Variants in SEMA5A observed in about 807,000 individuals in gnomAD.
The protein encoded by SEMA5A is semaphorin 5A, also known as semaphorin-5A.
Under a neutral mutation model 135.5 loss-of-function variants are expected in SEMA5A, and 55 were observed. The observed-to-expected ratio is 0.41, with a 90% CI of 0.33 to 0.51. The LOEUF is 0.51. Ranked by LOEUF, SEMA5A falls within the 20% of genes least tolerant of loss-of-function variation. The pLI, the probability that SEMA5A is intolerant of heterozygous loss-of-function variation, is 0.37. For missense variants in SEMA5A, 1,290 were observed against 1,419.9 expected (o/e 0.91, Z 1.47); for synonymous variants, 580 against 546.5 (o/e 1.06, Z -0.85).
intron 1 of SEMA5A, among the ~76,000 whole-genome samples, chr5:9,532,589 G>A (rs780092643): frequency 6.6e-6 from 1 of 151,962 alleles, no homozygotes; most frequent in Non-Finnish European, 1.5e-5. Context: ...TGCCCGACCT[G>A]CATGTGTATT....
chr5:9,127,617 G>T (rs9313271), intron 13 of SEMA5A, among the ~76,000 whole-genome samples: 17 of 152,246 alleles, frequency 1.1e-4, no homozygotes, highest in Non-Finnish European at 2.2e-4. Context: ...GTGTTTGGGG[G>T]TTTATTTGCA....
In SEMA5A at chr5:9,309,269, C is replaced by A. The variant is rs1752013407; in HGVS notation, c.270+9103G>T. 2.0e-5 allele frequency among the ~76,000 whole-genome samples: 3 copies of A among 151,848 alleles called. No individual in the cohort carries two copies. The South Asian group carries it at 6.2e-4, about 32-fold the overall frequency. Reference sequence around the variant, plus strand: ...CATGAAGAAATCTGTTGGTACGTAGCAAAAAAATTAGAATGGTATGGCGGG... The same window carrying A: ...CATGAAGAAATCTGTTGGTACGTAGAAAAAAAATTAGAATGGTATGGCGGG... On this transcript the variant is annotated intron_variant, in intron 5 of 22. Transcript: ENST00000382496.
rs569847155 is a variant in SEMA5A, at chr5:9,377,106, C to T, written c.124+2717G>A. Among the ~76,000 whole-genome samples, 5 of 130,244 alleles carry T rather than the reference C, an allele frequency of 3.8e-5. No individual in the cohort carries two copies. In the East Asian group the frequency reaches 6.4e-4, roughly 17 times the overall value. 85.4% of individuals were successfully genotyped at this position (130,244 alleles called of 152,430 possible). On this transcript the variant is annotated intron_variant, in intron 3 of 22. Coordinates refer to ENST00000382496, the MANE Select transcript of SEMA5A (RefSeq NM_003966.3). Reference sequence around the variant, plus strand: ...CACATAGTGGAAGCTATGTAGCTACCGAAAAAAAAAAAAAAAAGAATGACA... The same window carrying T: ...CACATAGTGGAAGCTATGTAGCTACTGAAAAAAAAAAAAAAAAGAATGACA...
chr5:9,502,400 G>A (rs1735644452), intron 1 of SEMA5A, among the ~76,000 whole-genome samples: 2 of 152,176 alleles, frequency 1.3e-5, no homozygotes, highest in South Asian at 4.1e-4. Context: ...GGGTGAGAAT[G>A]CCAGGCTGAG....
At chr5:9,445,817 G>C (rs1237573998) in intron 1 of SEMA5A, among the ~76,000 whole-genome samples, 1 of 152,162 alleles carries the variant, frequency 6.6e-6, no homozygotes, top group East Asian at 1.9e-4. Context: ...TCACACCTGG[G>C]TCATTTAATC....
intron 1 of SEMA5A, among the ~76,000 whole-genome samples, chr5:9,475,176 C>A (rs1759624674): frequency 6.6e-6 from 1 of 152,224 alleles, no homozygotes; most frequent in Admixed American, 6.5e-5. Context: ...AGGTGATCTG[C>A]CCGCCTTGGC....
intron 1 of SEMA5A, among the ~76,000 whole-genome samples, chr5:9,512,874 C>A (rs1164407121): frequency 6.6e-6 from 1 of 151,938 alleles, no homozygotes; most frequent in East Asian, 1.9e-4. Flanking sequence ...AAATACGCTC[C>A]CCTGCATGTT....
In SEMA5A at chr5:9,140,250, T is replaced by C. The variant is rs192631659; in HGVS notation, c.1482-3629A>G. On this transcript the variant is annotated intron_variant, in intron 12 of 22. Transcript: ENST00000382496. ...CATTGAATAAAACTTGAACCTGTAT[T>C]TTTATTGTAGAAAACACATAAAAAT... Among the ~76,000 whole-genome samples the C allele has an allele frequency of 1.8e-3, 271 of 152,334 alleles. 3 individuals are homozygous for C. The highest frequency in any genetic ancestry group is 2.5e-4 in the Non-Finnish European group (17 of 68,030).
intron 1 of SEMA5A, among the ~76,000 whole-genome samples, chr5:9,492,573 C>G (rs1392494315): frequency 1.3e-5 from 2 of 152,196 alleles, no homozygotes; most frequent in East Asian, 3.9e-4. Context: ...GAGACCCAAG[C>G]TCCTCATTAT....
At chr5:9,313,038 C>T (rs1182143257) in intron 5 of SEMA5A, among the ~76,000 whole-genome samples, 2 of 152,126 alleles carry the variant, frequency 1.3e-5, no homozygotes, top group East Asian at 3.9e-4. Flanking sequence ...AGGAAGTGTG[C>T]TGGCTGCTGG....
chr5:9,545,047 C>T lies in SEMA5A; in HGVS notation c.-175+537G>A, dbSNP rs1738306524. 6.6e-6 allele frequency among the ~76,000 whole-genome samples: 1 copy of T among 152,176 alleles called. No homozygotes were observed. The highest frequency in any genetic ancestry group is 2.4e-5 in the African/African-American group (1 of 41,460). On this transcript the variant is annotated intron_variant, in intron 1 of 22. Transcript: ENST00000382496. This position sits in a 1 kb window ranked among gnomAD's most constrained non-coding sequence, Gnocchi z 4.5. ...CTGCATCCCCCGCCTTAGTGTCTTT[C>T]ATTAACCAAGGCGCTTGGCGGAGTT...
intron 2 of SEMA5A, among the ~76,000 whole-genome samples, chr5:9,381,879 A>T (rs1755625830): frequency 6.6e-6 from 1 of 151,588 alleles, no homozygotes. Flanking sequence ...AAGGATAGTG[A>T]TGCCATTCAT....
At position 9,243,897 on chromosome 5, in the gene SEMA5A, G is replaced by A. The variant is rs149525452; in HGVS notation, c.271-6007C>T. Among the ~76,000 whole-genome samples, 458 of 152,154 alleles carry A rather than the reference G, an allele frequency of 3.0e-3. 7 individuals are homozygous for A. The highest frequency in any genetic ancestry group is 0.01 in the African/African-American group (433 of 41,542). On this transcript the variant is annotated intron_variant, in intron 5 of 22. Transcript: ENST00000382496. Reference sequence around the variant, plus strand: ...TTACAGTTTCTTTGTTTTCCACCCCGTAATTTAGAAAAATACATATCTGAA... The same window carrying A: ...TTACAGTTTCTTTGTTTTCCACCCCATAATTTAGAAAAATACATATCTGAA...
intron 1 of SEMA5A, among the ~76,000 whole-genome samples, chr5:9,490,432 T>C (rs2126798628): frequency 6.6e-6 from 1 of 152,286 alleles, no homozygotes; most frequent in African/African-American, 2.4e-5. Context: ...GGATCCATTA[T>C]TTTTCTCCGT....
Position 9,062,947 on chromosome 5 carries a change from C to A in SEMA5A, c.2458G>T (p.Gly820Ter). Residue 820 changes from glycine (G) to a stop codon, truncating the protein, a stop_gained, in exon 18 of 23, where the codon GGA (glycine) becomes TGA (stop). Coordinates refer to ENST00000382496, the MANE Select transcript of SEMA5A (RefSeq NM_003966.3). LOFTEE classifies it high-confidence loss of function. ...AGAGATGGGCCAAGGCAAGGCATTC[C>A]CCCATACTTGGGTTCGGGGTTGTTG... ...VCNNPEPKYG[G>*]MPCLGPSLEY... The A allele has an allele frequency of 6.2e-7, 1 of 1,614,216 alleles. No homozygotes were observed. The highest frequency in any genetic ancestry group is 8.5e-7 in the Non-Finnish European group (1 of 1,180,036).
chr5:9,197,936 C>G (rs1178099111), intron 9 of SEMA5A, among the ~76,000 whole-genome samples: 1 of 152,082 alleles, frequency 6.6e-6, no homozygotes, highest in Non-Finnish European at 1.5e-5. Flanking sequence ...TGACATAGCA[C>G]TGACATATGA....
At position 9,435,163 on chromosome 5, in the gene SEMA5A, GAGACC is replaced by G. The variant is rs201825670; in HGVS notation, c.-78+2588_-78+2592del. ...TGCTCATAATAAAAGAGGGATATTCGAGACCAGACCAGAACATTCTTGTTCAACAA... is the reference window on the plus strand; with the variant it reads ...TGCTCATAATAAAAGAGGGATATTCGAGACCAGAACATTCTTGTTCAACAA... On this transcript the variant is annotated intron_variant, in intron 2 of 22. Coordinates refer to ENST00000382496, the MANE Select transcript of SEMA5A (RefSeq NM_003966.3). Among the ~76,000 whole-genome samples the G allele has an allele frequency of 3.7e-3, 569 of 152,094 alleles. 4 individuals carry two copies. The highest frequency in any genetic ancestry group is 0.013 in the African/African-American group (546 of 41,472).
intron 5 of SEMA5A, among the ~76,000 whole-genome samples, chr5:9,317,710 T>C (rs1752452365): frequency 6.6e-6 from 1 of 152,152 alleles, no homozygotes; most frequent in Non-Finnish European, 1.5e-5. Flanking sequence ...GCATAGTCTG[T>C]AGGGAGTTCC....
rs985013039 is a variant in SEMA5A, at chr5:9,037,983, C to T, written c.*4914G>A. The T allele has an allele frequency of 1.3e-5, 2 of 152,124 alleles. No individual in the cohort carries two copies. The highest frequency in any genetic ancestry group is 2.9e-5 in the Non-Finnish European group (2 of 68,032). The allele number at this position is 152,124 out of a possible 1,614,324, so 9.4% of individuals were successfully genotyped here. ...CTATGTTCTCCCATTTCACCCACTG[C>T]CCAAAGAAGTAAGGGGCTCAAATGG... On this transcript the variant is annotated 3_prime_UTR_variant, in exon 23 of 23. Coordinates refer to ENST00000382496, the MANE Select transcript of SEMA5A (RefSeq NM_003966.3).
Sources: gnomAD v4.1 joint callset for allele counts (sites outside exome capture counted in the v4.1 genomes callset) on GRCh38, gnomAD v4.1.1 for gene constraint, Gnocchi (gnomAD v3.1) non-coding constraint, MANE v1.5 for transcripts, NCBI Gene and HGNC (gene_info 2026-07-23, HGNC 2026-07-21) for gene names.